Variants in ARIH2 observed in about 807,000 individuals in gnomAD.
The protein encoded by ARIH2 is ariadne RBR E3 ubiquitin protein ligase 2.
A neutral mutation model predicts 79.8 loss-of-function variants in ARIH2; 12 were observed. The observed-to-expected ratio is 0.15, with a 90% CI of 0.10 to 0.24. The LOEUF (loss-of-function observed/expected upper bound fraction) is 0.24. Ranked by LOEUF, ARIH2 falls within the 10% of genes least tolerant of loss-of-function variation. The pLI is 1.00. For missense variants in ARIH2, 301 were observed against 618.3 expected (o/e 0.49, Z 5.44); for synonymous variants, 224 against 213.9 (o/e 1.05, Z -0.41).
At chr3:48,919,888 A>G (rs1423064978) in intron 1 of ARIH2, among the ~76,000 whole-genome samples, 1 of 152,166 alleles carries the variant, frequency 6.6e-6, no homozygotes. Context: ...AGACTCACTA[A>G]AACTTACGTG....
At chr3:48,950,753 T>C (rs1174621970) in intron 3 of ARIH2, among the ~76,000 whole-genome samples, 4 of 152,086 alleles carry the variant, frequency 2.6e-5, no homozygotes, top group African/African-American at 4.8e-5. Context: ...AGGATAAAAA[T>C]AGATTATCAA....
At chr3:48,968,468 C>A in intron 6 of ARIH2, 66 bp from the exon 7 acceptor site, 1 of 1,539,576 alleles carries the variant, frequency 6.5e-7, no homozygotes, top group South Asian at 1.1e-5. Flanking sequence ...CTTGGCCTCC[C>A]AAAGTGCTGG....
intron 3 of ARIH2, among the ~76,000 whole-genome samples, chr3:48,948,286 G>A (rs1312824402): frequency 1.3e-5 from 2 of 148,950 alleles, no homozygotes; most frequent in Non-Finnish European, 3.0e-5. Flanking sequence ...TTTATTTTTT[G>A]AGACGGAGTT....
chr3:48,972,183 C>T (rs978504121), intron 8 of ARIH2, among the ~76,000 whole-genome samples: 3 of 152,152 alleles, frequency 2.0e-5, no homozygotes, highest in Non-Finnish European at 4.4e-5. Context: ...CTGTGTTTGA[C>T]ATCTTGGGAG....
intron 3 of ARIH2, among the ~76,000 whole-genome samples, chr3:48,933,478 GTATT>G (rs1357600136): frequency 6.6e-6 from 1 of 150,856 alleles, no homozygotes; most frequent in Non-Finnish European, 1.5e-5. Flanking sequence ...TTTTAAATAG[GTATT>G]TAAATAGATT....
chr3:48,938,174 A>G lies in ARIH2; in HGVS notation c.255+10361A>G, dbSNP rs74621532. 6.8e-3 allele frequency among the ~76,000 whole-genome samples: 1,041 copies of G among 152,284 alleles called. 17 individuals carry two copies. Among genetic ancestry groups the G allele is most frequent in the African/African-American group, 0.023 (974 of 41,540 alleles). ...TGATGGCATCTTTAGTCATAAATAC[A>G]ATGTGGTTTAAAAGTTTTGAATTTT... is the stretch of plus-strand genomic sequence containing the variant. On this transcript the variant is annotated intron_variant, in intron 3 of 15. Coordinates refer to ENST00000356401, the MANE Select transcript of ARIH2 (RefSeq NM_006321.4).
At chr3:48,966,742 A>T (rs1167148934) in intron 5 of ARIH2, among the ~76,000 whole-genome samples, 1 of 152,230 alleles carries the variant, frequency 6.6e-6, no homozygotes, top group Non-Finnish European at 1.5e-5. Flanking sequence ...TGCTGTGCTT[A>T]ACAGGGGTAG....
intron 11 of ARIH2, among the ~76,000 whole-genome samples, chr3:48,977,606 C>T (rs1305910189): frequency 6.6e-6 from 1 of 152,086 alleles, no homozygotes; most frequent in African/African-American, 2.4e-5. Context: ...TACAGGCGTC[C>T]GCCACTATAC....
chr3:48,964,018 T>A (rs1424141965), intron 4 of ARIH2, among the ~76,000 whole-genome samples: 1 of 151,848 alleles, frequency 6.6e-6, no homozygotes, highest in Non-Finnish European at 1.5e-5. Context: ...AGTTATTTTT[T>A]TTATTTTTAT....
At chr3:48,959,931 A>T (rs534779239) in intron 3 of ARIH2, among the ~76,000 whole-genome samples, 2 of 152,222 alleles carry the variant, frequency 1.3e-5, no homozygotes, top group African/African-American at 2.4e-5. Context: ...AGGAGGGATC[A>T]TGTGGTGTTC....
At chr3:48,920,871 T>A (rs2106775257) in intron 1 of ARIH2, among the ~76,000 whole-genome samples, 1 of 54,174 alleles carries the variant, frequency 1.8e-5, no homozygotes, top group African/African-American at 5.9e-5. Context: ...GCCACTGCAC[T>A]CCAGCAAGAC....
chr3:48,973,305 C>T (rs995920369), intron 8 of ARIH2, among the ~76,000 whole-genome samples: 4 of 151,982 alleles, frequency 2.6e-5, no homozygotes, highest in African/African-American at 4.8e-5. Flanking sequence ...AGACTGGGCG[C>T]GGTGGCTCAC....
intron 3 of ARIH2, among the ~76,000 whole-genome samples, chr3:48,960,797 T>C (rs1037622536): frequency 1.3e-5 from 2 of 152,084 alleles, no homozygotes; most frequent in Non-Finnish European, 2.9e-5. Context: ...AATAAACTTC[T>C]CAATCTTTTA....
intron 1 of ARIH2, chr3:48,921,377 C>A (rs906781371): frequency 1.4e-5 from 2 of 145,676 alleles, no homozygotes; most frequent in Admixed American, 7.0e-5. Flanking sequence ...TTTGGAGGAG[C>A]CTGGAGTTTT....
chr3:48,927,785 A>G lies in ARIH2; in HGVS notation c.227A>G (p.His76Arg). Reference protein sequence around the residue: ...YKESEGALNEHMTSLASVLKV... With the variant: ...YKESEGALNERMTSLASVLKV... ...GAATCTGAGGGTGCCCTCAATGAGCACATGACCAGCTTAGCTTCTGTCCTA... is the reference window on the plus strand; with the variant it reads ...GAATCTGAGGGTGCCCTCAATGAGCGCATGACCAGCTTAGCTTCTGTCCTA... Residue 76 changes from histidine (H) to arginine (R), a missense_variant, in exon 3 of 16, where the codon CAC becomes CGC. Transcript: ENST00000356401. 6.2e-7 allele frequency: 1 copy of G among 1,614,200 alleles called. No individual in the cohort carries two copies. The highest frequency in any genetic ancestry group is 8.5e-7 in the Non-Finnish European group (1 of 1,180,020).
At chr3:48,948,338 G>A (rs912232672) in intron 3 of ARIH2, among the ~76,000 whole-genome samples, 4 of 151,618 alleles carry the variant, frequency 2.6e-5, no homozygotes, top group Admixed American at 1.3e-4. Context: ...GCGCGATCTC[G>A]GCTCACCGCA....
At chr3:48,943,512 A>G (rs1025215000) in intron 3 of ARIH2, 3 of 151,918 alleles carry the variant, frequency 2.0e-5, no homozygotes, top group African/African-American at 4.8e-5. Flanking sequence ...GTCTTGGCGT[A>G]TGGGACCTAA....
At chr3:48,947,110 G>A (rs960387692) in intron 3 of ARIH2, among the ~76,000 whole-genome samples, 6 of 152,052 alleles carry the variant, frequency 3.9e-5, no homozygotes, top group African/African-American at 1.4e-4. Flanking sequence ...CAGAACATCC[G>A]GTGAAATACT....
intron 3 of ARIH2, among the ~76,000 whole-genome samples, chr3:48,956,584 CTG>C (rs1204309779): frequency 6.6e-6 from 1 of 150,832 alleles, no homozygotes; most frequent in Admixed American, 6.6e-5. Flanking sequence ...GCATGAACCA[CTG>C]TGCCTGGCAG....
Sources: allele counts gnomAD v4.1 joint callset (sites outside exome capture counted in the v4.1 genomes callset), GRCh38; gene constraint gnomAD v4.1.1; transcripts MANE v1.5; gene names NCBI Gene and HGNC (gene_info 2026-07-23, HGNC 2026-07-21).